The following TSBP1 variants were observed in gnomAD, a reference collection of about 807,000 sequenced individuals.
TSBP1 encodes the protein testis expressed basic protein 1.
In TSBP1, 56 loss-of-function variants were observed where a neutral mutation model predicts 68.8. The ratio of observed to expected loss-of-function variants is 0.81; its 90% confidence interval spans 0.66 to 1.02. The LOEUF (loss-of-function observed/expected upper bound fraction) is 1.02. Ranked by LOEUF, TSBP1 falls within the 50% of genes least tolerant of loss-of-function variation. The pLI is 0.00. For synonymous variants in TSBP1, 171 were observed against 208.7 expected (o/e 0.82, Z 1.56); for missense variants, 502 against 641.2 (o/e 0.78, Z 2.34).
In TSBP1 at chr6:32,343,695, T is replaced by A. The variant is rs1187361465; in HGVS notation, c.350-4057A>T. ...GGCTGTGCCTGAGTATGCAAAAAAT[T>A]AAAGGCAGTTTTAGCTTCCAGTTTG... On this transcript the variant is annotated intron_variant, in intron 9 of 22. Coordinates refer to ENST00000612031, the Ensembl canonical transcript of TSBP1. This position sits in a 1 kb window ranked among gnomAD's most constrained non-coding sequence, Gnocchi z 4.3. Among the ~76,000 whole-genome samples, 4 of 152,194 alleles carry A rather than the reference T, an allele frequency of 2.6e-5. No individual in the cohort carries two copies. The highest frequency in any genetic ancestry group is 4.4e-5 in the Non-Finnish European group (3 of 68,030).
intron 22 of TSBP1, among the ~76,000 whole-genome samples, chr6:32,294,660 C>A (rs985227741): frequency 6.6e-6 from 1 of 152,124 alleles, no homozygotes; most frequent in Non-Finnish European, 1.5e-5. Flanking sequence ...GTTATGTAAT[C>A]AGTAGGTGGT....
At chr6:32,364,455 TG>T (rs36112498) in intron 6 of TSBP1, among the ~76,000 whole-genome samples, 47,899 of 148,032 alleles carry the variant, frequency 0.32, 8,866 homozygotes, top group Middle Eastern at 0.45. Flanking sequence ...TAATTTTAAA[TG>T]ATTGGTCTTT....
chr6:32,363,685 AT>A (rs1347151271), intron 6 of TSBP1, among the ~76,000 whole-genome samples: 1 of 109,968 alleles, frequency 9.1e-6, no homozygotes, highest in Non-Finnish European at 2.1e-5. Flanking sequence ...CAAAATTTAC[AT>A]TTAAAAAAAT....
At chr6:32,313,373 C>T (rs531726379) in intron 19 of TSBP1, among the ~76,000 whole-genome samples, 2 of 152,370 alleles carry the variant, frequency 1.3e-5, no homozygotes, top group East Asian at 3.9e-4. Context: ...TAGGATAATG[C>T]CTGGCCTACA....
intron 19 of TSBP1, among the ~76,000 whole-genome samples, chr6:32,310,278 CTG>C (rs1766253569): frequency 6.6e-6 from 1 of 151,836 alleles, no homozygotes; most frequent in African/African-American, 2.4e-5. Flanking sequence ...ATATATCTGT[CTG>C]TGTGTTTTAA....
chr6:32,356,601 T>C, intron 6 of TSBP1, among the ~76,000 whole-genome samples: 1 of 151,994 alleles, frequency 6.6e-6, no homozygotes, highest in Non-Finnish European at 1.5e-5. Context: ...ACGCCTGTAA[T>C]CCCAGCTACT....
At chr6:32,327,460 C>T (rs115984418) in intron 16 of TSBP1, among the ~76,000 whole-genome samples, 6,613 of 152,166 alleles carry the variant, frequency 0.043, 355 homozygotes, top group African/African-American at 0.13. Context: ...TCCGGCCTTA[C>T]GTGCCTTACT....
intron 3 of TSBP1, 135 bp from the exon 4 acceptor site, chr6:32,368,092 T>C: frequency 2.8e-6 from 2 of 712,684 alleles, no homozygotes; most frequent in Non-Finnish European, 4.7e-6. Flanking sequence ...TTGCAGGAAC[T>C]AGGAATTGTG....
chr6:32,318,096 C>T (rs1041389689), intron 18 of TSBP1, among the ~76,000 whole-genome samples: 3 of 152,194 alleles, frequency 2.0e-5, no homozygotes, highest in African/African-American at 7.2e-5. Flanking sequence ...TGTACATATA[C>T]ACCATGTAAT....
rs1291513233 is a variant in TSBP1, at chr6:32,335,923, G to A, written c.440C>T (p.Thr147Ile). The change falls in exon 13 of 23, where the codon ACA (threonine) becomes ATA (isoleucine). Residue 147 changes from threonine (T) to isoleucine (I), a missense_variant. Physicochemically the swap from Thr to Ile is moderately conservative, Grantham distance 89. Coordinates refer to ENST00000612031, the Ensembl canonical transcript of TSBP1. The surrounding 1 kb of genome is among the most constrained non-coding windows in gnomAD (Gnocchi z 5.5). ...GAGAGCAAACTTACTGATAGGTCCT[G>A]TAGCTCCGGCTGTGAGAGAGAAAGA... is the stretch of plus-strand genomic sequence containing the variant. The A allele has an allele frequency of 7.5e-6, 12 of 1,609,590 alleles. No individual in the cohort carries two copies. Among genetic ancestry groups the A allele is most frequent in the Non-Finnish European group, 9.3e-6 (11 of 1,177,770 alleles).
Position 32,315,211 on chromosome 6 carries a change from T to C in TSBP1, c.580+561A>G, listed in dbSNP as rs1766818345. 6.6e-6 allele frequency among the ~76,000 whole-genome samples: 1 copy of C among 152,080 alleles called. No individual in the cohort carries two copies. Among genetic ancestry groups the C allele is most frequent in the Non-Finnish European group, 1.5e-5 (1 of 68,026 alleles). ...AAATATCATCATGGTCAACGCTTGATCTGGTTTAAAAATTGAGTCACTGTT... is the reference window on the plus strand; with the variant it reads ...AAATATCATCATGGTCAACGCTTGACCTGGTTTAAAAATTGAGTCACTGTT... On this transcript the variant is annotated intron_variant, in intron 19 of 22. Coordinates refer to ENST00000612031, the Ensembl canonical transcript of TSBP1. This position sits in a 1 kb window ranked among gnomAD's most constrained non-coding sequence, Gnocchi z 5.4.
intron 10 of TSBP1, 49 bp downstream of exon 11, chr6:32,339,551 A>G (rs776680947): frequency 1.1e-6 from 1 of 949,664 alleles, no homozygotes; most frequent in Admixed American, 1.8e-5. Flanking sequence ...TTGTACAATT[A>G]TTAGGTGTCA....
intron 16 of TSBP1, chr6:32,324,629 G>A (rs1211706452): frequency 1.3e-6 from 2 of 1,550,336 alleles, no homozygotes; most frequent in South Asian, 1.2e-5. Flanking sequence ...TCCTAAAGGA[G>A]AGAATTCAAT....
intron 7 of TSBP1, 47 bp from the exon 8 acceptor site, chr6:32,355,191 A>T (rs1446046608): frequency 1.3e-6 from 2 of 1,596,912 alleles, no homozygotes; most frequent in Middle Eastern, 1.7e-4. Flanking sequence ...GAGAGTTTGG[A>T]TCCCTAATCT....
chr6:32,358,910 TTTATTATTA>T (rs9281749), intron 6 of TSBP1, among the ~76,000 whole-genome samples: 33 of 148,066 alleles, frequency 2.2e-4, no homozygotes, highest in African/African-American at 6.1e-4. Context: ...CATGATTTGT[TTTATTATTA>T]TTATTATTAT....
At chr6:32,350,275 G>C (rs181155795) in intron 8 of TSBP1, 4 of 424,042 alleles carry the variant, frequency 9.4e-6, no homozygotes, top group Admixed American at 5.8e-5. Flanking sequence ...AATAGCAAGA[G>C]ACCAAATCAG....
intron 22 of TSBP1, among the ~76,000 whole-genome samples, chr6:32,295,214 T>C (rs138708748): frequency 6.6e-6 from 1 of 152,062 alleles, no homozygotes; most frequent in Non-Finnish European, 1.5e-5. Flanking sequence ...CACACACCTG[T>C]AACCCCAGCT....
intron 6 of TSBP1, chr6:32,356,829 A>T (rs1382815799): frequency 6.5e-6 from 1 of 154,426 alleles, no homozygotes; most frequent in African/African-American, 2.4e-5. Context: ...GAAATTTGTT[A>T]TAAAAACTTT....
chr6:32,293,657 T>C (rs758863964), exon 23 of TSBP1: 2 of 1,613,066 alleles, frequency 1.2e-6, no homozygotes, highest in East Asian at 4.5e-5. Flanking sequence ...CTCACTCTTC[T>C]TTACTTGGGA....
Sources: allele counts gnomAD v4.1 joint callset (sites outside exome capture counted in the v4.1 genomes callset), GRCh38; gene constraint gnomAD v4.1.1; non-coding constraint Gnocchi (gnomAD v3.1); transcripts MANE v1.5; gene names NCBI Gene and HGNC (gene_info 2026-07-23, HGNC 2026-07-21).